The following VWA3B variants were observed in gnomAD, a reference collection of about 807,000 sequenced individuals.
VWA3B encodes the protein von Willebrand factor A domain containing 3B, also known as von Willebrand factor A domain-containing protein 3B.
Under a neutral mutation model 158.3 loss-of-function variants are expected in VWA3B, and 138 were observed. The observed-to-expected ratio is 0.87, with a 90% CI of 0.76 to 1.00. VWA3B has a LOEUF of 1.00. Ranked by LOEUF, VWA3B falls within the 50% of genes least tolerant of loss-of-function variation. VWA3B has a pLI of 0.00. For synonymous variants in VWA3B, 596 were observed against 587.3 expected (o/e 1.01, Z -0.21); for missense variants, 1,555 against 1,565.1 (o/e 0.99, Z 0.11).
At chr2:98,186,228 C>G (rs186771691) in intron 9 of VWA3B, among the ~76,000 whole-genome samples, 2 of 147,748 alleles carry the variant, frequency 1.4e-5, no homozygotes, top group East Asian at 4.0e-4. Flanking sequence ...GTTCCTCTCT[C>G]AGTCTTCTTT....
chr2:98,088,769 T>C (rs1443167017), intron 1 of VWA3B, among the ~76,000 whole-genome samples: 1 of 152,150 alleles, frequency 6.6e-6, no homozygotes, highest in Non-Finnish European at 1.5e-5. Flanking sequence ...TTTATTTTTT[T>C]TTGAGACAGG....
rs1403130040 is a variant in VWA3B at position 98,234,708 on chromosome 2, G to GT, written c.2370dup (p.Glu791Ter). 47 of 1,614,080 alleles carry GT rather than the reference G, an allele frequency of 2.9e-5. No individual in the cohort carries two copies. The highest frequency in any genetic ancestry group is 3.8e-5 in the Non-Finnish European group (45 of 1,180,030). On this transcript the variant is annotated frameshift_variant, in exon 17 of 28. Transcript: ENST00000477737. LOFTEE classifies it high-confidence loss of function. The stretch of plus-strand genomic sequence containing the variant: ...TCCTCCCTCAGGAGCTCAGCTTGCA[G>GT]TGAAAGGAAGGATGGCCTCTCCAAT...
At position 98,230,077 on chromosome 2, in the gene VWA3B, T is replaced by A; in HGVS notation, c.2178T>A (p.Ile726=). 6.3e-7 allele frequency: 1 copy of A among 1,592,026 alleles called. No homozygotes were observed. The highest frequency in any genetic ancestry group is 8.5e-7 in the Non-Finnish European group (1 of 1,174,694). The change falls in exon 16 of 28, where the codon ATT becomes ATA. Residue 726 remains isoleucine, a synonymous_variant. Transcript: ENST00000477737. The part of the protein sequence containing the change: ...SKHQKEICSM[I]STPEKCAKPQ... Reference sequence around the variant, plus strand: ...ATCAAAAGGAAATCTGTTCTATGATTTCAACCCCAGAAAAGTGTGCAAAGC... The same window carrying A: ...ATCAAAAGGAAATCTGTTCTATGATATCAACCCCAGAAAAGTGTGCAAAGC...
At chr2:98,207,009 T>C (rs962755478) in intron 12 of VWA3B, 7 of 491,552 alleles carry the variant, frequency 1.4e-5, no homozygotes, top group Middle Eastern at 7.5e-4. Flanking sequence ...CTGGACTGAC[T>C]GTGGCTGAAT....
intron 22 of VWA3B, among the ~76,000 whole-genome samples, chr2:98,285,981 AG>A (rs1276463898): frequency 6.6e-6 from 1 of 152,068 alleles, no homozygotes; most frequent in Non-Finnish European, 1.5e-5. Flanking sequence ...TGAGTGTATA[AG>A]TCTTCCACTT....
rs1677189989 is a variant in VWA3B, at chr2:98,146,556, C to T, written c.988+12617C>T. Among the ~76,000 whole-genome samples, 3 of 152,290 alleles carry T rather than the reference C, an allele frequency of 2.0e-5. 1 individual carries two copies. The South Asian group carries it at 6.2e-4, about 32-fold the overall frequency. ...GCACTTGTCATTGAGGTTCTAGCAT[C>T]CAGGTTGCCAACAAGGCTCACCTTT... is the stretch of plus-strand genomic sequence containing the variant. On this transcript the variant is annotated intron_variant, in intron 7 of 27. Coordinates refer to ENST00000477737, the MANE Select transcript of VWA3B (RefSeq NM_144992.5).
intron 8 of VWA3B, among the ~76,000 whole-genome samples, chr2:98,167,029 GC>G (rs1573963032): frequency 6.6e-6 from 1 of 152,146 alleles, no homozygotes; most frequent in East Asian, 1.9e-4. Context: ...TGAGGCAAAG[GC>G]TGGGTCAGTT....
intron 7 of VWA3B, among the ~76,000 whole-genome samples, chr2:98,139,949 AC>A (rs1466518618): frequency 6.6e-6 from 1 of 152,016 alleles, no homozygotes; most frequent in Non-Finnish European, 1.5e-5. Flanking sequence ...TGTAACACTC[AC>A]CGCAAAGGTC....
intron 7 of VWA3B, among the ~76,000 whole-genome samples, chr2:98,147,249 G>T (rs1677239060): frequency 6.6e-6 from 1 of 152,156 alleles, no homozygotes; most frequent in South Asian, 2.1e-4. Flanking sequence ...CTTGGTGCAT[G>T]CATACATTAT....
chr2:98,163,310 C>T (rs1468305380), intron 8 of VWA3B, among the ~76,000 whole-genome samples: 2 of 152,068 alleles, frequency 1.3e-5, no homozygotes, highest in Non-Finnish European at 2.9e-5. Flanking sequence ...GAGGCCGAGG[C>T]GGGTGGATCA....
chr2:98,225,760 T>C (rs1159509203), intron 14 of VWA3B, among the ~76,000 whole-genome samples: 1 of 150,160 alleles, frequency 6.7e-6, no homozygotes, highest in African/African-American at 2.4e-5. Context: ...ACAAAATTAA[T>C]ACACACACTT....
intron 19 of VWA3B, among the ~76,000 whole-genome samples, chr2:98,244,368 T>TATTTCA (rs1017390839): frequency 6.6e-6 from 1 of 152,158 alleles, no homozygotes; most frequent in African/African-American, 2.4e-5. Context: ...TGCTAAATGG[T>TATTTCA]ATTTCAATTT....
At chr2:98,287,736 G>T (rs529705145) in intron 22 of VWA3B, among the ~76,000 whole-genome samples, 3 of 152,260 alleles carry the variant, frequency 2.0e-5, no homozygotes, top group East Asian at 1.9e-4. Context: ...TTTCCTGGGG[G>T]TGACATTGTT....
chr2:98,193,634 C>T (rs1296894783), intron 11 of VWA3B, among the ~76,000 whole-genome samples: 3 of 148,406 alleles, frequency 2.0e-5, no homozygotes, highest in Non-Finnish European at 3.0e-5. Context: ...CTCACTGTGT[C>T]GTCCAGTCTG....
intron 21 of VWA3B, among the ~76,000 whole-genome samples, chr2:98,261,791 T>C (rs1375827551): frequency 6.6e-6 from 1 of 151,720 alleles, no homozygotes; most frequent in Non-Finnish European, 1.5e-5. Context: ...AGAGTCCTTA[T>C]TTATGACAAG....
In VWA3B at chr2:98,311,874, G is replaced by C. The variant is rs989372305; in HGVS notation, c.3577G>C (p.Asp1193His). 1 of 1,612,368 alleles carries C rather than the reference G, an allele frequency of 6.2e-7. No homozygotes were observed. Among genetic ancestry groups the C allele is most frequent in the Admixed American group, 1.7e-5 (1 of 59,772 alleles). The change falls in exon 27 of 28, where the codon GAC (aspartate) becomes CAC (histidine). Residue 1193 changes from aspartate (D) to histidine (H), a missense_variant. By Grantham distance (81) the Asp-to-His change is moderately conservative. Transcript: ENST00000477737. ...AFLFWPLKEA[D>H]TQDSREPRRE... ...CCTCTTCTGGCCACTGAAAGAAGCG[G>C]ACACGCAGGATTCCAGAGAGCCAAG... is the stretch of plus-strand genomic sequence containing the variant.
At chr2:98,156,666 GT>G (rs34156416) in intron 7 of VWA3B, among the ~76,000 whole-genome samples, 30,982 of 112,754 alleles carry the variant, frequency 0.27, 3,440 homozygotes, top group African/African-American at 0.39. Context: ...AAAAAACTCA[GT>G]TTTTTTTTTT....
In VWA3B at chr2:98,187,979, C is replaced by T. The variant is rs570206821; in HGVS notation, c.1316C>T (p.Thr439Met). Residue 439 changes from threonine (T) to methionine (M), a missense_variant, in exon 10 of 28, where the codon ACG becomes ATG. Thr to Met is a moderately conservative substitution (Grantham distance 81). Coordinates refer to ENST00000477737, the MANE Select transcript of VWA3B (RefSeq NM_144992.5). ...TGTCCTTTGTCATCTCCTTAGGAGACGAACAAGAAGACAGTCCATGCAAAA... is the reference window on the plus strand; with the variant it reads ...TGTCCTTTGTCATCTCCTTAGGAGATGAACAAGAAGACAGTCCATGCAAAA... ...ENESVQTSAE[T>M]NKKTVHAKYC... is the part of the protein sequence containing the mutation. 2.6e-5 allele frequency: 42 copies of T among 1,609,842 alleles called. No homozygotes were observed. The Admixed American group carries it at 3.0e-4, about 12-fold the overall frequency.
At chr2:98,167,359 T>G (rs1679170995) in intron 8 of VWA3B, among the ~76,000 whole-genome samples, 1 of 151,268 alleles carries the variant, frequency 6.6e-6, no homozygotes, top group Admixed American at 6.6e-5. Context: ...ACGTGAGAGT[T>G]CCCTGGAAAA....
Sources: gnomAD v4.1 joint callset for allele counts (sites outside exome capture counted in the v4.1 genomes callset) on GRCh38, gnomAD v4.1.1 for gene constraint, MANE v1.5 for transcripts, NCBI Gene and HGNC (gene_info 2026-07-23, HGNC 2026-07-21) for gene names.